The following TNRC6C variants were observed in gnomAD, a reference collection of about 807,000 sequenced individuals.
The protein encoded by TNRC6C is trinucleotide repeat-containing gene 6C protein.
A neutral mutation model predicts 153.7 loss-of-function variants in TNRC6C; 20 were observed. That is an observed-to-expected ratio of 0.13 (90% CI 0.09 to 0.19). The LOEUF is 0.19. Among genes scored for constraint, TNRC6C ranks in the 10% least tolerant of loss-of-function variants. The pLI is 1.00. For synonymous variants in TNRC6C, 811 were observed against 841.4 expected, an observed-to-expected ratio of 0.96 and a Z score of 0.63; for missense variants, 1,987 against 2,172.0, an observed-to-expected ratio of 0.91 and a Z score of 1.69.
At chr17:78,026,808 T>G (rs2071950287) in intron 1 of TNRC6C, among the ~76,000 whole-genome samples, 1 of 152,088 alleles carries the variant, frequency 6.6e-6, no homozygotes, top group African/African-American at 2.4e-5. Context: ...GTACTCCAGC[T>G]AAGAGATGAG....
chr17:78,043,520 C>T (rs2072342985), intron 2 of TNRC6C, among the ~76,000 whole-genome samples: 1 of 152,064 alleles, frequency 6.6e-6, no homozygotes, highest in Admixed American at 6.5e-5. Flanking sequence ...GTAATAATCA[C>T]ATCAGGATAA....
At chr17:78,092,620 C>T (rs543776591) in intron 14 of TNRC6C, among the ~76,000 whole-genome samples, 2 of 152,298 alleles carry the variant, frequency 1.3e-5, no homozygotes, top group East Asian at 3.9e-4. Flanking sequence ...TGGCTCACAC[C>T]TGTAGTTCCA....
intron 18 of TNRC6C, chr17:78,102,834 C>T (rs1598799703): frequency 1.3e-5 from 5 of 396,760 alleles, no homozygotes; most frequent in Non-Finnish European, 2.3e-5. Context: ...TTACAACTAG[C>T]CATTCAAGAG....
At chr17:78,036,281 G>T (rs184796896) in intron 2 of TNRC6C, among the ~76,000 whole-genome samples, 40 of 152,308 alleles carry the variant, frequency 2.6e-4, no homozygotes, top group Non-Finnish European at 5.1e-4. Flanking sequence ...TGAAGTATTC[G>T]TGGAAGGAAT....
At chr17:77,972,925 GAC>G (rs1266302212) in intron 1 of TNRC6C, among the ~76,000 whole-genome samples, 1 of 152,102 alleles carries the variant, frequency 6.6e-6, no homozygotes, top group Non-Finnish European at 1.5e-5. Flanking sequence ...TATTTTTTGA[GAC>G]AGAGTCTCGC....
chr17:78,038,855 G>T (rs1423805741), intron 2 of TNRC6C, among the ~76,000 whole-genome samples: 1 of 151,956 alleles, frequency 6.6e-6, no homozygotes, highest in Non-Finnish European at 1.5e-5. Flanking sequence ...AGATCCAATT[G>T]CTTTACACAT....
chr17:77,972,509 C>CT (rs1195435273), intron 1 of TNRC6C, among the ~76,000 whole-genome samples: 4 of 143,392 alleles, frequency 2.8e-5, no homozygotes, highest in African/African-American at 1.0e-4. Flanking sequence ...AAGACTCTGT[C>CT]TTAAAAAAAA....
chr17:78,107,984 A>G (rs1183524708), exon 20 of TNRC6C: 1 of 152,132 alleles, frequency 6.6e-6, no homozygotes, highest in Non-Finnish European at 1.5e-5. Context: ...AACCAGCCTA[A>G]CCCCAGAATC....
chr17:78,064,480 G>T (rs1022780321), intron 3 of TNRC6C, among the ~76,000 whole-genome samples: 1 of 151,990 alleles, frequency 6.6e-6, no homozygotes, highest in Non-Finnish European at 1.5e-5. Context: ...GGAGTTGAGG[G>T]CAGCCTGGGC....
chr17:78,008,715 C>G (rs2071567384), intron 1 of TNRC6C: 1 of 152,078 alleles, frequency 6.6e-6, no homozygotes, highest in Non-Finnish European at 1.5e-5. Flanking sequence ...TCAACTTTTT[C>G]TTATTTTTCC....
intron 2 of TNRC6C, among the ~76,000 whole-genome samples, chr17:78,033,615 G>C (rs1262043904): frequency 4.6e-5 from 7 of 151,876 alleles, no homozygotes; most frequent in Non-Finnish European, 1.5e-5. Context: ...GTTGCGGCGA[G>C]CCGAGATCAC....
At chr17:78,102,338 A>C in intron 17 of TNRC6C, 136 bp from the exon 21 acceptor site, 1 of 734,736 alleles carries the variant, frequency 1.4e-6, no homozygotes, top group Non-Finnish European at 2.2e-6. Flanking sequence ...TGGGCCTCCC[A>C]GGCTGAGAAA....
At chr17:78,071,037 A>G (rs1181927933) in intron 5 of TNRC6C, 48 bp from the exon 8 acceptor site, 3 of 1,536,474 alleles carry the variant, frequency 2.0e-6, no homozygotes, top group Admixed American at 2.0e-5. Context: ...GTAGAAATGC[A>G]TTAAAATGTA....
At chr17:77,977,881 T>G (rs1303720161) in intron 1 of TNRC6C, among the ~76,000 whole-genome samples, 1 of 151,184 alleles carries the variant, frequency 6.6e-6, no homozygotes, top group African/African-American at 2.4e-5. Flanking sequence ...GTATTTTTTC[T>G]TTAAAACCTC....
intron 1 of TNRC6C, among the ~76,000 whole-genome samples, chr17:77,967,780 A>G (rs1009018557): frequency 2.0e-4 from 30 of 152,340 alleles, no homozygotes; most frequent in African/African-American, 7.0e-4. Context: ...TTTAGATACT[A>G]GCCCATTGGA....
intron 1 of TNRC6C, among the ~76,000 whole-genome samples, chr17:78,020,322 G>A (rs1211773937): frequency 6.6e-6 from 1 of 152,246 alleles, no homozygotes; most frequent in African/African-American, 2.4e-5. Context: ...GGGACCCTTG[G>A]TCTTTTTATT....
chr17:78,087,749 C>T (rs553319176), intron 13 of TNRC6C, among the ~76,000 whole-genome samples: 2 of 152,194 alleles, frequency 1.3e-5, no homozygotes, highest in Admixed American at 1.3e-4. Context: ...TTTGTATAAT[C>T]GACCAAATCA....
chr17:78,050,930 G>A (rs1567938094), exon 3 of TNRC6C: 1 of 1,614,012 alleles, frequency 6.2e-7, no homozygotes, highest in South Asian at 1.1e-5. Context: ...GATGCTGACA[G>A]TAATAGGTCA....
chr17:78,015,799 C>T (rs1176706336), intron 1 of TNRC6C, among the ~76,000 whole-genome samples: 1 of 152,054 alleles, frequency 6.6e-6, no homozygotes, highest in African/African-American at 2.4e-5. Context: ...GTGATCCCAG[C>T]TACTCGGGAG....
Sources: allele counts gnomAD v4.1 joint callset (sites outside exome capture counted in the v4.1 genomes callset), GRCh38; gene constraint gnomAD v4.1.1; transcripts MANE v1.5; gene names NCBI Gene and HGNC (gene_info 2026-07-23, HGNC 2026-07-21).